ZNF385D: variants seen among roughly 807,000 people sequenced by gnomAD.
ZNF385D encodes the protein zinc finger protein 659.
Under a neutral mutation model 35.8 loss-of-function variants are expected in ZNF385D, and 15 were observed. The ratio of observed to expected loss-of-function variants is 0.42; its 90% confidence interval spans 0.28 to 0.64. The LOEUF is 0.64. Ranked by LOEUF, ZNF385D falls within the 30% of genes least tolerant of loss-of-function variation. The pLI is 0.23. For synonymous variants in ZNF385D, 212 were observed against 186.8 expected, an observed-to-expected ratio of 1.13 and a Z score of -1.10; for missense variants, 474 against 494.6, an observed-to-expected ratio of 0.96 and a Z score of 0.39.
chr3:21,666,201 C>A (rs928367184), intron 1 of ZNF385D, among the ~76,000 whole-genome samples: 1 of 152,188 alleles, frequency 6.6e-6, no homozygotes, highest in Non-Finnish European at 1.5e-5. Context: ...CAATCAGTTA[C>A]CAGAGCGCAA....
At chr3:22,128,015 T>A (rs1048143673) in intron 3 of ZNF385D, among the ~76,000 whole-genome samples, 1 of 152,190 alleles carries the variant, frequency 6.6e-6, no homozygotes, top group African/African-American at 2.4e-5. Context: ...GCTCATTACA[T>A]CCTTTTCTTT....
chr3:21,682,110 A>G (rs2066930225), intron 1 of ZNF385D, among the ~76,000 whole-genome samples: 1 of 152,214 alleles, frequency 6.6e-6, no homozygotes, highest in Non-Finnish European at 1.5e-5. Context: ...CATTTGATGG[A>G]TTACAAGCAA....
chr3:21,677,878 CGTACATAG>C (rs1395723562), intron 1 of ZNF385D, among the ~76,000 whole-genome samples: 2 of 151,906 alleles, frequency 1.3e-5, no homozygotes, highest in African/African-American at 4.8e-5. Context: ...TCAACCTATG[CGTACATAG>C]GTTGATTGAT....
Position 22,072,446 on chromosome 3 carries a change from T to C in ZNF385D, c.325+96371A>G, listed in dbSNP as rs538370643. On this transcript the variant is annotated intron_variant, in intron 3 of 5. Transcript: ENST00000494108. ...ATGAAGCACTCTCTAAACAATCTCA[T>C]CAAGAATCACTAGAACTAGAACTCG... Among the ~76,000 whole-genome samples the C allele has an allele frequency of 2.9e-4, 44 of 152,184 alleles. No homozygotes were observed. In the Middle Eastern group the frequency reaches 0.01, roughly 36 times the overall value.
intron 3 of ZNF385D, among the ~76,000 whole-genome samples, chr3:21,843,838 G>C (rs1695830637): frequency 6.6e-6 from 1 of 151,920 alleles, no homozygotes; most frequent in East Asian, 1.9e-4. Context: ...TTCCAGATGA[G>C]GGGAGAACAT....
chr3:22,126,752 A>T (rs1415295077), intron 3 of ZNF385D, among the ~76,000 whole-genome samples: 1 of 152,142 alleles, frequency 6.6e-6, no homozygotes, highest in Non-Finnish European at 1.5e-5. Context: ...TTCTGTGTGC[A>T]TTATCTGCCC....
chr3:21,541,630 CCTA>C (rs1235447594), intron 3 of ZNF385D, among the ~76,000 whole-genome samples: 1 of 152,118 alleles, frequency 6.6e-6, no homozygotes, highest in Non-Finnish European at 1.5e-5. Context: ...AACAAACCCT[CCTA>C]CTGTCCTAGT....
At chr3:22,285,803 G>A (rs1313412668) in intron 2 of ZNF385D, among the ~76,000 whole-genome samples, 1 of 151,978 alleles carries the variant, frequency 6.6e-6, no homozygotes, top group Non-Finnish European at 1.5e-5. Flanking sequence ...ACCGTCTATG[G>A]GAATTTGTTC....
chr3:22,003,255 A>C (rs955707570), intron 3 of ZNF385D, among the ~76,000 whole-genome samples: 1 of 152,220 alleles, frequency 6.6e-6, no homozygotes, highest in Non-Finnish European at 1.5e-5. Flanking sequence ...AACATACAGA[A>C]ATCAATAGCT....
chr3:22,089,841 AT>A (rs1245816980), intron 3 of ZNF385D, among the ~76,000 whole-genome samples: 2 of 151,820 alleles, frequency 1.3e-5, no homozygotes, highest in African/African-American at 4.8e-5. Context: ...ACAATTTTTT[AT>A]TTTATTTTAT....
intron 3 of ZNF385D, among the ~76,000 whole-genome samples, chr3:21,558,735 G>A (rs1024315468): frequency 6.5e-5 from 6 of 92,098 alleles, no homozygotes; most frequent in African/African-American, 3.6e-4. Context: ...AATATTGATA[G>A]TGCACTGTTA....
rs1575432248 is a variant in ZNF385D at position 21,670,647 on chromosome 3, G to GC, written c.23-5620_23-5619insG. Among the ~76,000 whole-genome samples, 9 of 15,756 alleles carry GC rather than the reference G, an allele frequency of 5.7e-4. 2 individuals are homozygous for GC. The highest frequency in any genetic ancestry group is 6.1e-4 in the Non-Finnish European group (5 of 8,140). The allele number at this position is 15,756 out of a possible 152,430, so 10.3% of individuals were successfully genotyped here. ...CTGAGAAATAAAAATGAAATCCTAA[G>GC]GCGCCCCCCCCCCCCCCCCCCCCCC... On this transcript the variant is annotated intron_variant, in intron 1 of 7. Transcript: ENST00000281523.
At chr3:21,716,074 C>T (rs1435754156) in intron 1 of ZNF385D, among the ~76,000 whole-genome samples, 1 of 152,136 alleles carries the variant, frequency 6.6e-6, no homozygotes, top group Non-Finnish European at 1.5e-5. Flanking sequence ...CAATACCCCA[C>T]ACCCAACCCC....
intron 4 of ZNF385D, among the ~76,000 whole-genome samples, chr3:21,444,984 G>A (rs1056949164): frequency 4.6e-5 from 7 of 152,138 alleles, no homozygotes; most frequent in African/African-American, 1.4e-4. Flanking sequence ...ATGAAGAAGG[G>A]GCAGGAAAGT....
chr3:21,665,796 C>G (rs575343804), intron 1 of ZNF385D, among the ~76,000 whole-genome samples: 1 of 152,298 alleles, frequency 6.6e-6, no homozygotes, highest in South Asian at 2.1e-4. Flanking sequence ...TTATAGGACT[C>G]TGCCACACTC....
At chr3:22,257,495 G>A (rs979550739) in intron 2 of ZNF385D, among the ~76,000 whole-genome samples, 10 of 151,486 alleles carry the variant, frequency 6.6e-5, no homozygotes, top group Admixed American at 2.0e-4. Context: ...CCTCTACTCT[G>A]CATTATTCTA....
intron 2 of ZNF385D, among the ~76,000 whole-genome samples, chr3:22,215,120 G>T (rs139251705): frequency 2.1e-3 from 319 of 152,060 alleles, no homozygotes; most frequent in African/African-American, 7.5e-3. Context: ...AAATATCGGG[G>T]GTGACTTTTG....
Position 21,708,870 on chromosome 3 carries a change from C to CAA in ZNF385D, c.22+42024_22+42025insTT, listed in dbSNP as rs199853268. ...AAGTGTGTGTGGGCGTGCACACACA[C>CAA]ACACACACACACACACTAACAACAA... On this transcript the variant is annotated intron_variant, in intron 1 of 7. Transcript: ENST00000281523. Among the ~76,000 whole-genome samples the CAA allele has an allele frequency of 3.4e-3, 519 of 152,010 alleles. 3 individuals are homozygous for CAA. The highest frequency in any genetic ancestry group is 0.012 in the African/African-American group (489 of 41,458).
intron 3 of ZNF385D, among the ~76,000 whole-genome samples, chr3:22,014,231 G>C (rs557518317): frequency 6.6e-6 from 1 of 152,006 alleles, no homozygotes; most frequent in South Asian, 2.1e-4. Flanking sequence ...GGGGAAGGAA[G>C]AAAAGGAAAT....
Sources: allele counts gnomAD v4.1 joint callset (sites outside exome capture counted in the v4.1 genomes callset), GRCh38; gene constraint gnomAD v4.1.1; transcripts MANE v1.5; gene names NCBI Gene and HGNC (gene_info 2026-07-23, HGNC 2026-07-21).